The following USP47 variants were observed in gnomAD, a reference collection of about 807,000 sequenced individuals.
USP47 encodes the protein ubiquitin specific peptidase 47, also known as ubiquitin carboxyl-terminal hydrolase 47.
A neutral mutation model predicts 165.1 loss-of-function variants in USP47; 35 were observed. That is an observed-to-expected ratio of 0.21 (90% CI 0.16 to 0.28). The LOEUF (loss-of-function observed/expected upper bound fraction) is 0.28, where lower values mean the gene tolerates loss of function less well. USP47 is among the 10% of genes least tolerant of loss of function. The pLI, the probability that USP47 is intolerant of heterozygous loss-of-function variation, is 1.00. For missense variants in USP47, 1,277 were observed against 1,607.4 expected, an observed-to-expected ratio of 0.79 and a Z score of 3.52; for synonymous variants, 531 against 544.5, an observed-to-expected ratio of 0.98 and a Z score of 0.35.
rs980786199 is a variant in USP47 at position 11,950,107 on chromosome 11, T to C, written c.3464+103T>C. 5.6e-6 allele frequency: 5 copies of C among 887,184 alleles called. No homozygotes were observed. The African/African-American group carries it at 8.6e-5, about 15-fold the overall frequency. The allele number at this position is 887,184 out of a possible 1,614,324, so 55.0% of individuals were successfully genotyped here. The stretch of plus-strand genomic sequence containing the variant: ...AAACTAGGAGAATTAAAATTTCCTG[T>C]GCTATTCAGAATTTTAGTATGACAG... On this transcript the variant is annotated intron_variant, in intron 23 of 27. Transcript: ENST00000527733.
intron 1 of USP47, among the ~76,000 whole-genome samples, chr11:11,852,442 G>T (rs1590223865): frequency 6.6e-6 from 1 of 152,090 alleles, no homozygotes; most frequent in East Asian, 1.9e-4. Flanking sequence ...GTGGGCTTCT[G>T]TGCTCATCCT....
At chr11:11,947,827 T>C in intron 20 of USP47, 118 bp from the exon 21 acceptor site, 2 of 1,025,572 alleles carry the variant, frequency 2.0e-6, no homozygotes, top group Non-Finnish European at 2.7e-6. Flanking sequence ...AAAGTCTAAC[T>C]GAAAAGGGGT....
At chr11:11,871,604 C>T (rs1244188574) in intron 1 of USP47, among the ~76,000 whole-genome samples, 2 of 150,406 alleles carry the variant, frequency 1.3e-5, no homozygotes, top group African/African-American at 4.9e-5. Flanking sequence ...TTTCCCTTGC[C>T]TCAGGCACTC....
Position 11,891,687 on chromosome 11 carries a change from A to G in USP47, c.358-281A>G, listed in dbSNP as rs547445566. Reference sequence around the variant, plus strand: ...CACCAACAATAATTGTGTGTCCCCTATGTGCTAGGCCTACGTGGCCAGGAT... The same window carrying G: ...CACCAACAATAATTGTGTGTCCCCTGTGTGCTAGGCCTACGTGGCCAGGAT... On this transcript the variant is annotated intron_variant, in intron 3 of 27. Transcript: ENST00000527733. 8.5e-5 allele frequency among the ~76,000 whole-genome samples: 13 copies of G among 152,282 alleles called. No individual in the cohort carries two copies. The East Asian group carries it at 9.6e-4, about 11-fold the overall frequency.
intron 1 of USP47, among the ~76,000 whole-genome samples, chr11:11,855,448 A>G (rs1425997863): frequency 6.6e-6 from 1 of 152,230 alleles, no homozygotes; most frequent in East Asian, 1.9e-4. Flanking sequence ...GACTGCTTCT[A>G]TACTAATAAT....
chr11:11,893,489 T>G (rs930005735), intron 4 of USP47, among the ~76,000 whole-genome samples: 19 of 152,130 alleles, frequency 1.2e-4, no homozygotes, highest in African/African-American at 3.4e-4. Flanking sequence ...CAGGCTGGAG[T>G]GCAGTTGTAA....
chr11:11,948,464 T>C lies in USP47; in HGVS notation c.3268-14T>C. ...CTGAGACAGCATGTCTAAAAAAATG[T>C]TTTTAACTTATAGATTACAATTAGA... On this transcript the variant is annotated splice_polypyrimidine_tract_variant and intron_variant, in intron 21 of 27. Transcript: ENST00000527733. 6.2e-7 allele frequency: 1 copy of C among 1,603,826 alleles called. No homozygotes were observed. The highest frequency in any genetic ancestry group is 8.5e-7 in the Non-Finnish European group (1 of 1,171,470).
intron 2 of USP47, among the ~76,000 whole-genome samples, chr11:11,881,873 G>A (rs975696476): frequency 2.0e-5 from 3 of 152,080 alleles, no homozygotes; most frequent in Non-Finnish European, 4.4e-5. Context: ...TAATATCATT[G>A]CATTGGGGAT....
At chr11:11,917,524 T>G (rs1046861541) in intron 8 of USP47, among the ~76,000 whole-genome samples, 4 of 151,840 alleles carry the variant, frequency 2.6e-5, no homozygotes, top group Non-Finnish European at 5.9e-5. Flanking sequence ...ATAATACCAC[T>G]TTTTAGAAGG....
intron 1 of USP47, among the ~76,000 whole-genome samples, chr11:11,876,881 G>T (rs1478972912): frequency 6.6e-6 from 1 of 152,036 alleles, no homozygotes; most frequent in Non-Finnish European, 1.5e-5. Context: ...CTTGGTCTTA[G>T]ATGGTCACGT....
In USP47 at chr11:11,903,357, T is replaced by C; in HGVS notation, c.819+15T>C. On this transcript the variant is annotated intron_variant, in intron 7 of 27. Transcript: ENST00000527733. ...AAACAGAACAGGTAATTTATATCTC[T>C]CAAATCAAGGGGACTGTTTCCTAAT... 3.1e-6 allele frequency: 5 copies of C among 1,603,780 alleles called. No homozygotes were observed. Among genetic ancestry groups the C allele is most frequent in the Non-Finnish European group, 4.3e-6 (5 of 1,172,720 alleles).
At chr11:11,954,981 A>G in intron 26 of USP47, 37 bp downstream of exon 26, 1 of 1,613,734 alleles carries the variant, frequency 6.2e-7, no homozygotes. Context: ...TGTATTGTGC[A>G]TGATAAACAC....
At chr11:11,851,521 T>C (rs1564850339) in intron 1 of USP47, among the ~76,000 whole-genome samples, 1 of 152,186 alleles carries the variant, frequency 6.6e-6, no homozygotes, top group Non-Finnish European at 1.5e-5. Context: ...GTACAAAGTT[T>C]CCGTATACCC....
intron 21 of USP47, 170 bp downstream of exon 21, chr11:11,948,290 C>A: frequency 1.1e-6 from 1 of 891,786 alleles, no homozygotes; most frequent in Non-Finnish European, 1.7e-6. Context: ...ACTCATCTAA[C>A]AAACATTTGT....
intron 1 of USP47, among the ~76,000 whole-genome samples, chr11:11,861,432 A>G (rs972294708): frequency 6.6e-6 from 1 of 152,166 alleles, no homozygotes; most frequent in Non-Finnish European, 1.5e-5. Flanking sequence ...GTTGAGTGTG[A>G]TGAGCCATCT....
At chr11:11,855,348 G>C (rs1848979204) in intron 1 of USP47, among the ~76,000 whole-genome samples, 1 of 152,158 alleles carries the variant, frequency 6.6e-6, no homozygotes, top group Non-Finnish European at 1.5e-5. Context: ...ATTTTCTGTA[G>C]CTCTGGTGTA....
At chr11:11,917,923 G>A (rs1853547378) in intron 8 of USP47, among the ~76,000 whole-genome samples, 1 of 152,076 alleles carries the variant, frequency 6.6e-6, no homozygotes, top group Admixed American at 6.6e-5. Context: ...ATTTGATTTA[G>A]GCAGGAATCT....
intron 4 of USP47, among the ~76,000 whole-genome samples, chr11:11,894,234 A>T (rs1164423245): frequency 1.3e-5 from 2 of 152,142 alleles, no homozygotes; most frequent in Non-Finnish European, 2.9e-5. Context: ...AGGTGGGCAG[A>T]TCACCTGAGG....
intron 11 of USP47, among the ~76,000 whole-genome samples, chr11:11,927,112 G>A (rs1046873526): frequency 6.6e-6 from 1 of 151,876 alleles, no homozygotes; most frequent in African/African-American, 2.4e-5. Context: ...CTTTCAACAT[G>A]AAATATTTCA....
Sources: gnomAD v4.1 joint callset for allele counts (sites outside exome capture counted in the v4.1 genomes callset) on GRCh38, gnomAD v4.1.1 for gene constraint, MANE v1.5 for transcripts, NCBI Gene and HGNC (gene_info 2026-07-23, HGNC 2026-07-21) for gene names.